The following SASH1 variants were observed in gnomAD, a reference collection of about 807,000 sequenced individuals.
SASH1 encodes the protein SAM and SH3 domain-containing protein 1.
SASH1 carries 44 observed loss-of-function variants against 125.2 expected under a neutral mutation model. That is an observed-to-expected ratio of 0.35 (90% CI 0.28 to 0.45). The LOEUF (loss-of-function observed/expected upper bound fraction) is 0.45, where lower values mean the gene tolerates loss of function less well. SASH1 is among the 20% of genes least tolerant of loss of function. SASH1 has a pLI of 1.00. For missense variants in SASH1, 1,426 were observed against 1,614.5 expected, an observed-to-expected ratio of 0.88 and a Z score of 2.00; for synonymous variants, 639 against 649.1, an observed-to-expected ratio of 0.98 and a Z score of 0.24.
At chr6:148,504,921 A>C (rs980338696) in intron 8 of SASH1, among the ~76,000 whole-genome samples, 1 of 151,988 alleles carries the variant, frequency 6.6e-6, no homozygotes, top group Non-Finnish European at 1.5e-5. Context: ...CTCTTAGGAC[A>C]CTCTCCAAGT....
chr6:148,250,555 T>TA, the SASH1 span, among the ~76,000 whole-genome samples: 1 of 124,378 alleles, frequency 8.0e-6, no homozygotes, highest in Non-Finnish European at 1.6e-5. Flanking sequence ...TAACCAGGCC[T>TA]AAAAAAGCCT....
the SASH1 span, among the ~76,000 whole-genome samples, chr6:148,245,857 T>C: frequency 8.4e-4 from 127 of 151,766 alleles, no homozygotes; most frequent in African/African-American, 2.3e-3. Context: ...GGCATGGTGG[T>C]GGGCGCCTGT....
In SASH1 at chr6:148,495,201, A is replaced by T. The variant is rs1470657579; in HGVS notation, c.729+7486A>T. On this transcript the variant is annotated intron_variant, in intron 8 of 19. Coordinates refer to ENST00000367467, the MANE Select transcript of SASH1 (RefSeq NM_015278.5). This position sits in a 1 kb window ranked among gnomAD's most constrained non-coding sequence, Gnocchi z 4.0. ...TCCTTTTAAGTGGTTCTTGTGGCAA[A>T]TGGCTTAATTTCCATTATGACACAA... 6.6e-6 allele frequency among the ~76,000 whole-genome samples: 1 copy of T among 152,234 alleles called. No individual in the cohort carries two copies. The highest frequency in any genetic ancestry group is 1.5e-5 in the Non-Finnish European group (1 of 68,038).
In SASH1 at chr6:148,502,473, T is replaced by C. The variant is rs187782483; in HGVS notation, c.730-11851T>C. 2.4e-4 allele frequency among the ~76,000 whole-genome samples: 36 copies of C among 152,312 alleles called. No homozygotes were observed. In the East Asian group the frequency reaches 6.9e-3, roughly 29 times the overall value. ...ACAGTGAGACTAATTTTTTTCTAAA[T>C]ACGAAGAATAACACATTAACCTGAT... is the stretch of plus-strand genomic sequence containing the variant. On this transcript the variant is annotated intron_variant, in intron 8 of 19. Coordinates refer to ENST00000367467, the MANE Select transcript of SASH1 (RefSeq NM_015278.5).
intron 13 of SASH1, 94 bp downstream of exon 13, chr6:148,531,755 A>G: frequency 1.9e-6 from 2 of 1,056,350 alleles, no homozygotes; most frequent in South Asian, 7.3e-5. Context: ...GGTGAATAAG[A>G]CCAAGTCCTG....
intron 1 of SASH1, among the ~76,000 whole-genome samples, chr6:148,337,223 A>ATTTTT (rs10659889): frequency 4.0e-5 from 5 of 124,576 alleles, no homozygotes; most frequent in African/African-American, 6.1e-5. Context: ...CATCCAGCTA[A>ATTTTT]TTTTTTTTTT....
At position 148,549,220 on chromosome 6, in the gene SASH1, C is replaced by T. The variant is rs1782752452; in HGVS notation, c.*662C>T. 5.6e-6 allele frequency: 1 copy of T among 179,900 alleles called. No homozygotes were observed. The highest frequency in any genetic ancestry group is 1.2e-5 in the Non-Finnish European group (1 of 86,880). 11.1% of individuals were successfully genotyped at this position (179,900 alleles called of 1,614,324 possible). ...CCCTGTAACCATACTTCCACATCTT[C>T]AGCTTAGGCAGACATCGAACCTCTC... is the stretch of plus-strand genomic sequence containing the variant. On this transcript the variant is annotated 3_prime_UTR_variant, in exon 20 of 20. Transcript: ENST00000367467.
chr6:148,468,679 TC>T (rs2115112409), intron 5 of SASH1, 94 bp downstream of exon 5: 1 of 784,788 alleles, frequency 1.3e-6, no homozygotes, highest in South Asian at 1.7e-5. Flanking sequence ...CAAGAATCCT[TC>T]TACTCAGAAA....
In SASH1 at chr6:148,433,815, T is replaced by C. The variant is rs534021851; in HGVS notation, c.286-6369T>C. On this transcript the variant is annotated intron_variant, in intron 2 of 19. Transcript: ENST00000367467. ...GAGATTTGTCATTCTTAAATTGTTA[T>C]CAGAGTTAACTTTGGGGACTTTTAT... is the stretch of plus-strand genomic sequence containing the variant. Among the ~76,000 whole-genome samples, 48 of 152,238 alleles carry C rather than the reference T, an allele frequency of 3.2e-4. 1 individual carries two copies. In the South Asian group the frequency reaches 9.8e-3, roughly 31 times the overall value.
At chr6:148,307,648 C>A (rs1338675766) in intron 1 of SASH1, among the ~76,000 whole-genome samples, 1 of 152,050 alleles carries the variant, frequency 6.6e-6, no homozygotes, top group African/African-American at 2.4e-5. Context: ...TCCTAAGAAT[C>A]CAGCCCTACC....
chr6:148,250,130 G>A, the SASH1 span, among the ~76,000 whole-genome samples: 1 of 152,096 alleles, frequency 6.6e-6, no homozygotes, highest in East Asian at 1.9e-4. Flanking sequence ...TACAGTCTCT[G>A]CCCTCATCCC....
intron 2 of SASH1, among the ~76,000 whole-genome samples, chr6:148,419,522 C>A (rs1156385909): frequency 6.6e-6 from 1 of 152,160 alleles, no homozygotes; most frequent in African/African-American, 2.4e-5. Context: ...ACAATCATAT[C>A]TCTAGGTTCA....
chr6:148,239,046 A>G, the SASH1 span, among the ~76,000 whole-genome samples: 1 of 152,178 alleles, frequency 6.6e-6, no homozygotes, highest in East Asian at 1.9e-4. Context: ...GCCATGCCAG[A>G]TGGTTAGCTC....
chr6:148,323,707 G>A (rs980425339), intron 1 of SASH1, among the ~76,000 whole-genome samples: 2 of 152,164 alleles, frequency 1.3e-5, no homozygotes, highest in Admixed American at 6.5e-5. Context: ...GCCAGGGAAA[G>A]CTTCCTGGAT....
At chr6:148,300,815 C>T (rs185025923) in intron 1 of SASH1, among the ~76,000 whole-genome samples, 1 of 152,026 alleles carries the variant, frequency 6.6e-6, no homozygotes, top group Non-Finnish European at 1.5e-5. Flanking sequence ...TTCATTTAGA[C>T]CAAGGAAGCA....
At chr6:148,202,239 C>T in the SASH1 span, among the ~76,000 whole-genome samples, 1 of 152,096 alleles carries the variant, frequency 6.6e-6, no homozygotes, top group Non-Finnish European at 1.5e-5. Flanking sequence ...AAAGAGAGGA[C>T]CCACTAAAAA....
At chr6:148,227,907 C>T in the SASH1 span, among the ~76,000 whole-genome samples, 16 of 152,084 alleles carry the variant, frequency 1.1e-4, no homozygotes, top group African/African-American at 3.4e-4. Flanking sequence ...TCCGATGTAA[C>T]CTCAGGATAG....
the SASH1 span, among the ~76,000 whole-genome samples, chr6:148,194,259 A>G: frequency 6.6e-6 from 1 of 152,142 alleles, no homozygotes; most frequent in South Asian, 2.1e-4. Context: ...TAGTGGAGTA[A>G]ACTGAAGTCC....
the SASH1 span, among the ~76,000 whole-genome samples, chr6:148,203,396 T>G: frequency 1.3e-5 from 2 of 152,176 alleles, no homozygotes; most frequent in African/African-American, 4.8e-5. Context: ...CTCCCTTCCT[T>G]TCTGTTTCTC....
Sources: gnomAD v4.1 joint callset for allele counts (sites outside exome capture counted in the v4.1 genomes callset) on GRCh38, gnomAD v4.1.1 for gene constraint, Gnocchi (gnomAD v3.1) non-coding constraint, MANE v1.5 for transcripts, NCBI Gene and HGNC (gene_info 2026-07-23, HGNC 2026-07-21) for gene names.